The following NKAIN2 variants were observed in gnomAD, a reference collection of about 807,000 sequenced individuals.
The protein encoded by NKAIN2 is sodium/potassium-transporting ATPase subunit beta-1-interacting protein 2.
NKAIN2 carries 14 observed loss-of-function variants against 32.6 expected under a neutral mutation model. The observed-to-expected ratio is 0.43, with a 90% confidence interval of 0.28 to 0.67. NKAIN2 has a LOEUF of 0.67. NKAIN2 is among the 30% of genes least tolerant of loss of function. NKAIN2 has a pLI of 0.17. For missense variants in NKAIN2, 198 were observed against 258.3 expected (o/e 0.77, Z 1.60); for synonymous variants, 80 against 87.2 (o/e 0.92, Z 0.46).
intron 1 of NKAIN2, among the ~76,000 whole-genome samples, chr6:123,954,715 G>T (rs556056106): frequency 5.9e-5 from 9 of 152,256 alleles, no homozygotes; most frequent in African/African-American, 2.2e-4. Context: ...CTGTCCCTCA[G>T]AACCTTGAGA....
chr6:124,433,220 T>C (rs1164025309), intron 3 of NKAIN2, among the ~76,000 whole-genome samples: 1 of 152,176 alleles, frequency 6.6e-6, no homozygotes, highest in African/African-American at 2.4e-5. Flanking sequence ...TTTTTCCACT[T>C]GCTTGTTAGA....
chr6:124,701,617 C>G (rs1010150707), intron 4 of NKAIN2, among the ~76,000 whole-genome samples: 5 of 151,922 alleles, frequency 3.3e-5, no homozygotes, highest in African/African-American at 1.2e-4. Flanking sequence ...AATTGTTTCT[C>G]AGGAGAAAAA....
intron 3 of NKAIN2, among the ~76,000 whole-genome samples, chr6:124,426,192 G>A (rs1189572486): frequency 6.6e-6 from 1 of 152,110 alleles, no homozygotes; most frequent in African/African-American, 2.4e-5. Flanking sequence ...TCTACGGAAA[G>A]GTGTAGTCTA....
In NKAIN2 at chr6:124,467,110, G is replaced by A. The variant is rs1776790783; in HGVS notation, c.273+111763G>A. 2.0e-5 allele frequency among the ~76,000 whole-genome samples: 3 copies of A among 152,180 alleles called. 1 individual carries two copies. The South Asian group carries it at 6.2e-4, about 32-fold the overall frequency. On this transcript the variant is annotated intron_variant, in intron 3 of 6. Transcript: ENST00000368417. The stretch of plus-strand genomic sequence containing the variant: ...ATTATAACAGCAATACTTCATACAT[G>A]AGTCAATGTTTATTTTGCTAGGTTT...
chr6:124,140,248 G>A (rs1355149377), intron 1 of NKAIN2, among the ~76,000 whole-genome samples: 10 of 152,082 alleles, frequency 6.6e-5, no homozygotes, highest in Non-Finnish European at 1.5e-4. Flanking sequence ...CCTTATTATG[G>A]CATTAAGAAT....
intron 3 of NKAIN2, among the ~76,000 whole-genome samples, chr6:124,418,606 T>C (rs1774606710): frequency 6.7e-6 from 1 of 148,780 alleles, no homozygotes; most frequent in South Asian, 2.1e-4. Flanking sequence ...AACTATACAG[T>C]TAACTTGAGC....
intron 1 of NKAIN2, among the ~76,000 whole-genome samples, chr6:124,114,143 G>A (rs969182255): frequency 3.9e-5 from 6 of 152,100 alleles, no homozygotes; most frequent in Non-Finnish European, 8.8e-5. Context: ...CTGCATTCTA[G>A]CTAACGTGTT....
intron 1 of NKAIN2, among the ~76,000 whole-genome samples, chr6:124,206,210 A>G (rs1790874836): frequency 6.6e-6 from 1 of 151,918 alleles, no homozygotes; most frequent in South Asian, 2.1e-4. Context: ...AGCCTAAAGA[A>G]TTAACCACGT....
chr6:124,125,329 C>G (rs1157086531), intron 1 of NKAIN2, among the ~76,000 whole-genome samples: 1 of 152,122 alleles, frequency 6.6e-6, no homozygotes, highest in East Asian at 1.9e-4. Flanking sequence ...CTGCATGAAA[C>G]ATTGTCTGTA....
chr6:124,040,042 T>A (rs1408020969), intron 1 of NKAIN2, among the ~76,000 whole-genome samples: 1 of 151,954 alleles, frequency 6.6e-6, no homozygotes, highest in Non-Finnish European at 1.5e-5. Context: ...AATCAATGGC[T>A]GTTATTTATT....
At chr6:124,096,988 G>A (rs1462741262) in intron 1 of NKAIN2, among the ~76,000 whole-genome samples, 1 of 152,046 alleles carries the variant, frequency 6.6e-6, no homozygotes, top group African/African-American at 2.4e-5. Context: ...TAAGAACGTA[G>A]ATGAAGTCCT....
intron 2 of NKAIN2, among the ~76,000 whole-genome samples, chr6:124,312,947 C>T (rs114786382): frequency 6.6e-6 from 1 of 151,934 alleles, no homozygotes; most frequent in Non-Finnish European, 1.5e-5. Context: ...TGGGCAGGTG[C>T]AAGGAGGATG....
chr6:124,142,559 A>G (rs998572007), intron 1 of NKAIN2, among the ~76,000 whole-genome samples: 1 of 152,326 alleles, frequency 6.6e-6, no homozygotes, highest in South Asian at 2.1e-4. Flanking sequence ...AGAATTAACC[A>G]GAAAAAACAC....
chr6:124,625,253 T>C (rs538904254), intron 3 of NKAIN2, among the ~76,000 whole-genome samples: 2 of 152,144 alleles, frequency 1.3e-5, no homozygotes, highest in African/African-American at 4.8e-5. Context: ...ACATATTTTC[T>C]CTACAAAAAA....
intron 2 of NKAIN2, among the ~76,000 whole-genome samples, chr6:124,325,819 G>C (rs1797387629): frequency 6.6e-6 from 1 of 152,060 alleles, no homozygotes. Context: ...AAACCCAATA[G>C]CACCCTTAAA....
intron 4 of NKAIN2, among the ~76,000 whole-genome samples, chr6:124,780,558 A>G (rs1307291845): frequency 6.6e-6 from 1 of 152,214 alleles, no homozygotes; most frequent in Non-Finnish European, 1.5e-5. Context: ...CAGAGATTTA[A>G]TATGGAAGAG....
In NKAIN2 at chr6:123,804,079, G is replaced by C. The variant is rs1468525664; in HGVS notation, c.-122G>C. ...TCCCAGGACGCTGGCAGCAGCAGCA[G>C]CCCGGAGCCCCCGAGCCCTCGGCAG... is the stretch of plus-strand genomic sequence containing the variant. On this transcript the variant is annotated 5_prime_UTR_variant, in exon 1 of 7. Transcript: ENST00000368417. 2.2e-6 allele frequency: 2 copies of C among 891,490 alleles called. No individual in the cohort carries two copies. Among genetic ancestry groups the C allele is most frequent in the Non-Finnish European group, 1.9e-6 (1 of 525,792 alleles). 55.2% of individuals were successfully genotyped at this position (891,490 alleles called of 1,614,324 possible).
chr6:124,558,029 G>A (rs1281781371), intron 3 of NKAIN2, among the ~76,000 whole-genome samples: 1 of 152,188 alleles, frequency 6.6e-6, no homozygotes, highest in Non-Finnish European at 1.5e-5. Context: ...TCAAACAAAA[G>A]AGAGTGTGTT....
chr6:124,795,293 C>G (rs1408341170), intron 5 of NKAIN2, among the ~76,000 whole-genome samples: 1 of 152,146 alleles, frequency 6.6e-6, no homozygotes, highest in East Asian at 1.9e-4. Flanking sequence ...GTTATGTGCT[C>G]AGTTCTGATA....
Sources: gnomAD v4.1 joint callset for allele counts (sites outside exome capture counted in the v4.1 genomes callset) on GRCh38, gnomAD v4.1.1 for gene constraint, MANE v1.5 for transcripts, NCBI Gene and HGNC (gene_info 2026-07-23, HGNC 2026-07-21) for gene names.